Variants in CPT1A observed in about 807,000 individuals in gnomAD.
CPT1A encodes the protein carnitine O-palmitoyltransferase 1, liver isoform.
A neutral mutation model predicts 100.8 loss-of-function variants in CPT1A; 64 were observed. That is an observed-to-expected ratio of 0.63 (90% CI 0.52 to 0.78). The LOEUF is 0.78. Ranked by LOEUF, CPT1A falls within the 30% of genes least tolerant of loss-of-function variation. The pLI, the probability that CPT1A is intolerant of heterozygous loss-of-function variation, is 0.00. For missense variants in CPT1A, 802 were observed against 1,034.1 expected, an observed-to-expected ratio of 0.78 and a Z score of 3.08; for synonymous variants, 363 against 396.0, an observed-to-expected ratio of 0.92 and a Z score of 0.99.
At chr11:68,835,459 T>G (rs1856986598) in intron 1 of CPT1A, among the ~76,000 whole-genome samples, 1 of 152,260 alleles carries the variant, frequency 6.6e-6, no homozygotes, top group Admixed American at 6.5e-5. Flanking sequence ...GAACTTGAAC[T>G]GAACTTCTAA....
At chr11:68,765,520 C>T (rs951879229) in intron 14 of CPT1A, among the ~76,000 whole-genome samples, 4 of 152,218 alleles carry the variant, frequency 2.6e-5, no homozygotes, top group African/African-American at 9.6e-5. Context: ...GATTCAAAGA[C>T]AGTCTATAGA....
intron 3 of CPT1A, among the ~76,000 whole-genome samples, chr11:68,809,885 T>C (rs1856151411): frequency 6.6e-6 from 1 of 152,202 alleles, no homozygotes; most frequent in Non-Finnish European, 1.5e-5. Context: ...AGAGAGTAAA[T>C]TAAAGAACTG....
rs983259670 is a variant in CPT1A, at chr11:68,812,589, A to G, written c.142-13T>C. The G allele has an allele frequency of 2.1e-5, 34 of 1,613,496 alleles. No individual in the cohort carries two copies. Among genetic ancestry groups the G allele is most frequent in the Non-Finnish European group, 2.9e-5 (34 of 1,179,848 alleles). On this transcript the variant is annotated splice_polypyrimidine_tract_variant and intron_variant, in intron 2 of 18. Coordinates refer to ENST00000265641, the MANE Select transcript of CPT1A (RefSeq NM_001876.4). ...TGATGATGCCGTTCTAAAGACAGAC[A>G]CCCGGGCCGTGAGCGGTGTCCTCCC...
chr11:68,833,022 C>A (rs1304037021), intron 1 of CPT1A, among the ~76,000 whole-genome samples: 1 of 152,190 alleles, frequency 6.6e-6, no homozygotes, highest in Non-Finnish European at 1.5e-5. Context: ...CTTGGATGCC[C>A]GGGTGACCAA....
At chr11:68,773,539 G>A in intron 13 of CPT1A, 110 bp from the exon 14 acceptor site, 1 of 1,562,046 alleles carries the variant, frequency 6.4e-7, no homozygotes, top group South Asian at 1.2e-5. Flanking sequence ...ACTCGGTACT[G>A]GGAAGTACAC....
intron 1 of CPT1A, among the ~76,000 whole-genome samples, chr11:68,828,973 C>T (rs1034488393): frequency 4.6e-5 from 7 of 152,268 alleles, no homozygotes; most frequent in African/African-American, 1.7e-4. Context: ...CCCCCCAGGA[C>T]TTTAGCTTCA....
intron 1 of CPT1A, chr11:68,839,577 CG>C: frequency 3.0e-6 from 3 of 985,494 alleles, no homozygotes; most frequent in Non-Finnish European, 3.6e-6. Flanking sequence ...TCGAGCCCTG[CG>C]GTGCCCAGCT....
chr11:68,773,640 G>C, intron 13 of CPT1A: 1 of 758,692 alleles, frequency 1.3e-6, no homozygotes, highest in East Asian at 3.1e-5. Context: ...CAGGTAGCGG[G>C]TCTGACATGA....
Position 68,787,942 on chromosome 11 carries a change from CAAAAAAAAAAA to C in CPT1A, c.968-2943_968-2933del, listed in dbSNP as rs58079850. On this transcript the variant is annotated intron_variant, in intron 9 of 18. Coordinates refer to ENST00000265641, the MANE Select transcript of CPT1A (RefSeq NM_001876.4). The stretch of plus-strand genomic sequence containing the variant: ...TGGGTGACAGAATGAGACTCAGTCT[CAAAAAAAAAAA>C]AAAAAAAAAGGGAGACTTTAGGACA... Among the ~76,000 whole-genome samples the C allele has an allele frequency of 2.2e-4, 10 of 45,688 alleles. No individual in the cohort carries two copies. The East Asian group carries it at 4.5e-3, about 20-fold the overall frequency. The allele number at this position is 45,688 out of a possible 152,430, so 30.0% of individuals were successfully genotyped here.
chr11:68,783,986 T>C (rs768713574), intron 10 of CPT1A, among the ~76,000 whole-genome samples: 6 of 152,128 alleles, frequency 3.9e-5, no homozygotes, highest in Non-Finnish European at 5.9e-5. Flanking sequence ...CCTCCTGCCT[T>C]AGCCTCCTGA....
chr11:68,821,280 G>A (rs1457017561), intron 1 of CPT1A, among the ~76,000 whole-genome samples: 5 of 152,178 alleles, frequency 3.3e-5, no homozygotes, highest in Non-Finnish European at 5.9e-5. Context: ...AGCCTCCTGA[G>A]TAGCTGGGAT....
At chr11:68,785,997 A>G (rs1250707238) in intron 9 of CPT1A, 1 of 702,352 alleles carries the variant, frequency 1.4e-6, no homozygotes, top group Non-Finnish European at 2.6e-6. Flanking sequence ...AGCACTGCTC[A>G]GTGGGGATGC....
chr11:68,794,959 A>G, intron 7 of CPT1A, 48 bp from the exon 8 acceptor site: 1 of 1,389,892 alleles, frequency 7.2e-7, no homozygotes, highest in South Asian at 1.2e-5. Context: ...AAAGATAAGC[A>G]AATTTAAATA....
chr11:68,766,532 C>A (rs1403886736), intron 14 of CPT1A, among the ~76,000 whole-genome samples: 1 of 152,022 alleles, frequency 6.6e-6, no homozygotes, highest in Non-Finnish European at 1.5e-5. Context: ...ATCGCCCATG[C>A]CGGAGTGCAG....
At chr11:68,840,944 C>T (rs184505911) in intron 1 of CPT1A, among the ~76,000 whole-genome samples, 1,582 of 152,328 alleles carry the variant, frequency 0.01, 30 homozygotes, top group African/African-American at 0.036. Flanking sequence ...CGCGCCCACC[C>T]GCCCTTGACC....
At chr11:68,785,906 T>C (rs1855450805) in intron 9 of CPT1A, 1 of 635,146 alleles carries the variant, frequency 1.6e-6, no homozygotes. Context: ...AACAGAGTAA[T>C]TTAAGCTCCT....
chr11:68,819,704 C>T (rs1208815634), intron 1 of CPT1A, among the ~76,000 whole-genome samples: 1 of 152,190 alleles, frequency 6.6e-6, no homozygotes, highest in Non-Finnish European at 1.5e-5. Context: ...CCTCGCAGAG[C>T]GATCTGAGTT....
chr11:68,798,081 C>T (rs376636480), intron 6 of CPT1A, among the ~76,000 whole-genome samples: 2 of 152,232 alleles, frequency 1.3e-5, no homozygotes, highest in East Asian at 1.9e-4. Context: ...CGTCCCAGTC[C>T]GTGGCACTAA....
At chr11:68,838,526 G>C (rs1368676319) in intron 1 of CPT1A, among the ~76,000 whole-genome samples, 2 of 128,094 alleles carry the variant, frequency 1.6e-5, no homozygotes, top group African/African-American at 5.7e-5. Context: ...GGCATCTGGA[G>C]AGGGGAACCA....
Sources: gnomAD v4.1 joint callset for allele counts (sites outside exome capture counted in the v4.1 genomes callset) on GRCh38, gnomAD v4.1.1 for gene constraint, MANE v1.5 for transcripts, NCBI Gene and HGNC (gene_info 2026-07-23, HGNC 2026-07-21) for gene names.